Variants in ENTREP2 observed in about 807,000 individuals in gnomAD.
ENTREP2 encodes endosomal transmembrane epsin interactor 2, also known as protein ENTREP2.
the ENTREP2 span, among the ~76,000 whole-genome samples, chr15:29,497,119 C>G: frequency 6.6e-6 from 1 of 152,238 alleles, no homozygotes; most frequent in African/African-American, 2.4e-5. Context: ...CTTGCTCTCT[C>G]GCACTCTTTT....
At chr15:29,458,083 T>A in the ENTREP2 span, among the ~76,000 whole-genome samples, 1 of 152,288 alleles carries the variant, frequency 6.6e-6, no homozygotes, top group South Asian at 2.1e-4. Flanking sequence ...AGAAGTCTTA[T>A]GATCTGCTCT....
At chr15:29,171,100 C>A in the ENTREP2 span, among the ~76,000 whole-genome samples, 1 of 152,164 alleles carries the variant, frequency 6.6e-6, no homozygotes, top group Non-Finnish European at 1.5e-5. Context: ...ATGCTAATGA[C>A]AATCCATACA....
the ENTREP2 span, among the ~76,000 whole-genome samples, chr15:29,302,527 C>T: frequency 6.6e-6 from 1 of 152,108 alleles, no homozygotes; most frequent in African/African-American, 2.4e-5. Flanking sequence ...AGCGAGAGTA[C>T]TTTATATTAG....
chr15:29,177,849 C>T, the ENTREP2 span, among the ~76,000 whole-genome samples: 294 of 134,342 alleles, frequency 2.2e-3, 1 homozygote, highest in African/African-American at 7.8e-3. Context: ...TGGGCAGGGG[C>T]AGAAAGCACT....
At chr15:29,415,939 G>A in the ENTREP2 span, among the ~76,000 whole-genome samples, 7 of 152,126 alleles carry the variant, frequency 4.6e-5, no homozygotes, top group African/African-American at 1.4e-4. Context: ...CAACTTACAA[G>A]GGATGTGAAG....
chr15:29,636,003 C>A, the ENTREP2 span, among the ~76,000 whole-genome samples: 2 of 152,142 alleles, frequency 1.3e-5, no homozygotes, highest in Non-Finnish European at 2.9e-5. Flanking sequence ...TCATGGCGAG[C>A]CAAATCCCCC....
the ENTREP2 span, among the ~76,000 whole-genome samples, chr15:29,131,451 C>A: frequency 6.6e-6 from 1 of 151,406 alleles, no homozygotes; most frequent in African/African-American, 2.4e-5. Context: ...CTCAAGGGCA[C>A]TTCTACAGTT....
the ENTREP2 span, chr15:29,124,736 C>T: frequency 7.7e-6 from 12 of 1,550,680 alleles, no homozygotes; most frequent in East Asian, 2.4e-5. Context: ...CCTGGCTACA[C>T]GACGGCCTGT....
chr15:29,282,208 TC>T, the ENTREP2 span, among the ~76,000 whole-genome samples: 8 of 152,166 alleles, frequency 5.3e-5, no homozygotes, highest in African/African-American at 1.9e-4. Flanking sequence ...GGGGAAGGTT[TC>T]CCCCATACTG....
At chr15:29,549,454 T>C in the ENTREP2 span, among the ~76,000 whole-genome samples, 1 of 152,070 alleles carries the variant, frequency 6.6e-6, no homozygotes, top group African/African-American at 2.4e-5. Flanking sequence ...GTATTTTTAG[T>C]AGAGACGGGG....
chr15:29,613,576 C>T, the ENTREP2 span: 26 of 205,876 alleles, frequency 1.3e-4, no homozygotes, highest in Admixed American at 6.4e-4. Flanking sequence ...CCCTGCAGTG[C>T]CCCCTCCCCA....
the ENTREP2 span, among the ~76,000 whole-genome samples, chr15:29,141,874 G>A: frequency 1.3e-5 from 2 of 152,300 alleles, no homozygotes; most frequent in South Asian, 2.1e-4. Context: ...TGGTCCTGCC[G>A]CCACCCCCAG....
the ENTREP2 span, among the ~76,000 whole-genome samples, chr15:29,417,718 G>A: frequency 1.3e-5 from 2 of 152,006 alleles, no homozygotes; most frequent in African/African-American, 4.8e-5. Context: ...AAATATATAT[G>A]TATGTATCTT....
chr15:29,481,985 TC>T, the ENTREP2 span, among the ~76,000 whole-genome samples: 4 of 152,146 alleles, frequency 2.6e-5, no homozygotes, highest in South Asian at 8.3e-4. Context: ...GTGGTGTATT[TC>T]TTTTTCTTTT....
At chr15:29,637,812 C>A in the ENTREP2 span, among the ~76,000 whole-genome samples, 1 of 152,106 alleles carries the variant, frequency 6.6e-6, no homozygotes, top group Admixed American at 6.6e-5. Flanking sequence ...GTGTGCAGAG[C>A]GGAGGAGTCA....
At chr15:29,352,194 C>T in the ENTREP2 span, among the ~76,000 whole-genome samples, 187 of 152,252 alleles carry the variant, frequency 1.2e-3, 1 homozygote, top group African/African-American at 4.0e-3. Flanking sequence ...CTTGGCCTCC[C>T]AAAGCACTGG....
chr15:29,187,007 C>T, the ENTREP2 span, among the ~76,000 whole-genome samples: 1 of 152,254 alleles, frequency 6.6e-6, no homozygotes. Context: ...TGTTTGGTAT[C>T]ATTCAGCAAT....
chr15:29,406,144 T>G, the ENTREP2 span, among the ~76,000 whole-genome samples: 2 of 152,218 alleles, frequency 1.3e-5, no homozygotes, highest in Non-Finnish European at 2.9e-5. Flanking sequence ...AGGTATTCAC[T>G]GACATCACCT....
At chr15:29,575,457 T>TG in the ENTREP2 span, among the ~76,000 whole-genome samples, 1 of 152,162 alleles carries the variant, frequency 6.6e-6, no homozygotes, top group East Asian at 1.9e-4. Flanking sequence ...TGACATGTGG[T>TG]GAATGTCCAC....
Sources: allele counts gnomAD v4.1 joint callset (sites outside exome capture counted in the v4.1 genomes callset), GRCh38; gene constraint gnomAD v4.1.1; transcripts MANE v1.5; gene names NCBI Gene and HGNC (gene_info 2026-07-23, HGNC 2026-07-21).